The following GEMIN7 variants were observed in gnomAD, a reference collection of about 807,000 sequenced individuals.
GEMIN7 encodes the protein gem-associated protein 7.
A neutral mutation model predicts 7.8 loss-of-function variants in GEMIN7; 7 were observed. The observed-to-expected ratio is 0.90, with a 90% CI of 0.51 to 1.69. The LOEUF is 1.69. Ranked by LOEUF, GEMIN7 falls within the 40% of genes most tolerant of loss-of-function variation. The probability of loss-of-function intolerance (pLI) is 0.00; values close to 1 mark genes in which losing one functional copy is unlikely to be tolerated. For missense variants in GEMIN7, 159 were observed against 176.2 expected (o/e 0.90, Z 0.55); for synonymous variants, 68 against 72.4 (o/e 0.94, Z 0.31).
upstream of GEMIN7, chr19:45,075,677 G>A: frequency 1.2e-6 from 2 of 1,605,944 alleles, no homozygotes; most frequent in Non-Finnish European, 1.7e-6. Flanking sequence ...CCCAGCCCTC[G>A]AACTTGAGAG....
intron 2 of GEMIN7, among the ~76,000 whole-genome samples, chr19:45,087,087 C>T (rs558818555): frequency 6.6e-6 from 1 of 152,106 alleles, no homozygotes; most frequent in Non-Finnish European, 1.5e-5. Flanking sequence ...TCTCGTGATC[C>T]ACCTGCTTTG....
chr19:45,076,004 A>G, upstream of GEMIN7: 1 of 1,567,534 alleles, frequency 6.4e-7, no homozygotes, highest in South Asian at 1.1e-5. The surrounding 1 kb of genome is among the most constrained non-coding windows in gnomAD (Gnocchi z 4.9). Flanking sequence ...CGAGGGGCCC[A>G]TGCCCAAAGG....
chr19:45,075,815 G>T (rs1444638112), upstream of GEMIN7: 3 of 1,614,122 alleles, frequency 1.9e-6, no homozygotes, highest in Admixed American at 5.0e-5. Flanking sequence ...TGCAGGCAGC[G>T]GCCGCAGGTC....
chr19:45,079,994 T>A lies in GEMIN7; in HGVS notation c.-44T>A, dbSNP rs1967444908. 1 of 152,252 alleles carries A rather than the reference T, an allele frequency of 6.6e-6. No individual in the cohort carries two copies. The highest frequency in any genetic ancestry group is 2.4e-5 in the African/African-American group (1 of 41,422). 9.4% of individuals were successfully genotyped at this position (152,252 alleles called of 1,614,324 possible). A position where few individuals can be genotyped will look rare whatever the true frequency, so the allele number is the denominator to read the frequency against. ...GCCAAATGTTTGTCCACTGAGCTGA[T>A]CTCCTCTCTGGAGCACCGGGGCCAC... On this transcript the variant is annotated 5_prime_UTR_variant, in exon 2 of 3. Coordinates refer to ENST00000270257, the MANE Select transcript of GEMIN7 (RefSeq NM_024707.3).
At chr19:45,083,599 C>CTTT (rs1184251456) in intron 2 of GEMIN7, among the ~76,000 whole-genome samples, 116 of 48,308 alleles carry the variant, frequency 2.4e-3, no homozygotes, top group Middle Eastern at 0.013. Context: ...AATTCTTCTT[C>CTTT]TTTTTTTTTT....
intron 2 of GEMIN7, among the ~76,000 whole-genome samples, chr19:45,088,020 A>C (rs1241432929): frequency 6.9e-6 from 1 of 145,182 alleles, no homozygotes; most frequent in African/African-American, 2.6e-5. Flanking sequence ...ATCTCGGCTC[A>C]CTGCAACCTC....
chr19:45,086,994 G>A (rs972667488), intron 2 of GEMIN7, among the ~76,000 whole-genome samples: 19 of 151,674 alleles, frequency 1.3e-4, no homozygotes, highest in African/African-American at 4.1e-4. Flanking sequence ...TTACAGGCAC[G>A]TGCCACCATG....
upstream of GEMIN7, chr19:45,075,869 G>T: frequency 6.2e-7 from 1 of 1,613,672 alleles, no homozygotes; most frequent in South Asian, 1.1e-5. Context: ...CGGTCTGCAG[G>T]GAGGAAGCGG....
At chr19:45,080,761 TTTTG>T (rs1230541307) in intron 2 of GEMIN7, among the ~76,000 whole-genome samples, 3 of 145,250 alleles carry the variant, frequency 2.1e-5, no homozygotes, top group African/African-American at 7.7e-5. Context: ...CTCCCTTGTT[TTTTG>T]TTTTTTTTTT....
chr19:45,075,627 A>G (rs1967331453), upstream of GEMIN7: 7 of 1,502,658 alleles, frequency 4.7e-6, no homozygotes, highest in Non-Finnish European at 6.3e-6. Context: ...AGTAGTGCTC[A>G]GTGCCCTGCC....
chr19:45,087,226 C>T (rs982384354), intron 2 of GEMIN7, among the ~76,000 whole-genome samples: 1 of 152,172 alleles, frequency 6.6e-6, no homozygotes, highest in Non-Finnish European at 1.5e-5. Context: ...TCACTGCAAC[C>T]TCTGCCTCCC....
At chr19:45,089,882 C>T (rs899031673) in intron 2 of GEMIN7, among the ~76,000 whole-genome samples, 1 of 152,174 alleles carries the variant, frequency 6.6e-6, no homozygotes, top group Non-Finnish European at 1.5e-5. Flanking sequence ...TAAAAGCAGA[C>T]AAAGGTCCTT....
At position 45,090,441 on chromosome 19, in the gene GEMIN7, T is replaced by C. The variant is rs370076712; in HGVS notation, c.327T>C (p.Thr109=). The C allele has an allele frequency of 3.2e-5, 52 of 1,613,876 alleles. No homozygotes were observed. Among genetic ancestry groups the C allele is most frequent in the Non-Finnish European group, 4.2e-5 (50 of 1,179,974 alleles). ...VANFYVSQLQ[T]PIGVQAEALL... is the part of the protein sequence containing the mutation. ...ACTTCTACGTGTCACAGCTGCAGAC[T>C]CCCATAGGTGTGCAAGCAGAGGCGC... The change falls in exon 3 of 3, where the codon ACT becomes ACC. Residue 109 remains threonine (T), a synonymous_variant. Transcript: ENST00000270257.
chr19:45,085,898 C>T (rs1365883643), intron 2 of GEMIN7, among the ~76,000 whole-genome samples: 30 of 113,806 alleles, frequency 2.6e-4, no homozygotes, highest in African/African-American at 1.0e-3. Context: ...GACGGAGTCT[C>T]GCTCTGTCGC....
intron 2 of GEMIN7, chr19:45,088,506 T>C (rs1171980851): frequency 6.6e-6 from 1 of 152,066 alleles, no homozygotes; most frequent in African/African-American, 2.4e-5. Flanking sequence ...TTTTTATTTT[T>C]AGTAGAGACG....
At chr19:45,086,209 G>A (rs1967681704) in intron 2 of GEMIN7, among the ~76,000 whole-genome samples, 1 of 151,546 alleles carries the variant, frequency 6.6e-6, no homozygotes, top group Non-Finnish European at 1.5e-5. Context: ...GTTGCAGTGA[G>A]CCGAGGTGGC....
chr19:45,079,461 G>A (rs1195854301), intron 1 of GEMIN7, 84 bp downstream of exon 1: 2 of 152,276 alleles, frequency 1.3e-5, no homozygotes, highest in Admixed American at 6.5e-5. Flanking sequence ...CCCGATCGCC[G>A]GCAGCGGGAA....
In GEMIN7 at chr19:45,090,530, C is replaced by G; in HGVS notation, c.*20C>G. The G allele has an allele frequency of 6.3e-7, 1 of 1,588,072 alleles. No homozygotes were observed. The highest frequency in any genetic ancestry group is 2.3e-5 in the East Asian group (1 of 44,414). On this transcript the variant is annotated 3_prime_UTR_variant, in exon 3 of 3. Coordinates refer to ENST00000270257, the MANE Select transcript of GEMIN7 (RefSeq NM_024707.3). ...CCATAAAGATATTGTGTTCACTTTT[C>G]TGCTTGAGGCTAAGGCACTGTATCC...
At chr19:45,075,796 G>A (rs1408890346), upstream of GEMIN7, 1 of 1,614,138 alleles carries the variant, frequency 6.2e-7, no homozygotes, top group Non-Finnish European at 8.5e-7. Flanking sequence ...GGCCTCCAAC[G>A]GGAAGGTCTG....
Sources: allele counts gnomAD v4.1 joint callset (sites outside exome capture counted in the v4.1 genomes callset), GRCh38; gene constraint gnomAD v4.1.1; non-coding constraint Gnocchi (gnomAD v3.1); transcripts MANE v1.5; gene names NCBI Gene and HGNC (gene_info 2026-07-23, HGNC 2026-07-21).